The following NKD1 variants were observed in gnomAD, a reference collection of about 807,000 sequenced individuals.
NKD1 encodes NKD inhibitor of Wnt signaling pathway 1, also known as protein naked cuticle homolog 1.
A neutral mutation model predicts 56.0 loss-of-function variants in NKD1; 21 were observed. That is an observed-to-expected ratio of 0.38 (90% CI 0.27 to 0.54). NKD1 has a LOEUF of 0.54. Among genes scored for constraint, NKD1 ranks in the 20% least tolerant of loss-of-function variants. The probability of loss-of-function intolerance (pLI) is 0.82; values close to 1 mark genes in which losing one functional copy is unlikely to be tolerated. For missense variants in NKD1, 578 were observed against 642.7 expected (o/e 0.90, Z 1.09); for synonymous variants, 263 against 265.7 (o/e 0.99, Z 0.10).
At chr16:50,587,763 G>A (rs1213287372) in intron 3 of NKD1, among the ~76,000 whole-genome samples, 1 of 152,198 alleles carries the variant, frequency 6.6e-6, no homozygotes, top group Non-Finnish European at 1.5e-5. Context: ...ATTAGGAACT[G>A]GGCAGCACTA....
Position 50,632,485 on chromosome 16 carries a change from G to A in NKD1, c.823+77G>A, listed in dbSNP as rs1878251103. The A allele has an allele frequency of 2.1e-6, 3 of 1,461,250 alleles. No individual in the cohort carries two copies. Among genetic ancestry groups the A allele is most frequent in the Non-Finnish European group, 2.9e-6 (3 of 1,046,486 alleles). The allele number at this position is 1,461,250 out of a possible 1,614,324, so 90.5% of individuals were successfully genotyped here. On this transcript the variant is annotated intron_variant, in intron 9 of 9. Coordinates refer to ENST00000268459, the MANE Select transcript of NKD1 (RefSeq NM_033119.5). The surrounding 1 kb of genome is among the most constrained non-coding windows in gnomAD (Gnocchi z 4.1). ...ACGGGCCAGGCGGGCCGTGCGGGTG[G>A]TGTTCACTGCTACCCCAGGCTTCGG...
chr16:50,594,494 C>T (rs1961433259), intron 3 of NKD1, among the ~76,000 whole-genome samples: 1 of 152,178 alleles, frequency 6.6e-6, no homozygotes, highest in Non-Finnish European at 1.5e-5. Flanking sequence ...GGACACTGTC[C>T]CAGGGCAGGG....
chr16:50,569,164 A>T (rs139741551), intron 3 of NKD1, among the ~76,000 whole-genome samples: 80 of 152,210 alleles, frequency 5.3e-4, no homozygotes, highest in Non-Finnish European at 9.6e-4. Flanking sequence ...CGCTGACATT[A>T]TAGTCTATGG....
intron 3 of NKD1, among the ~76,000 whole-genome samples, chr16:50,586,728 A>G (rs1296057223): frequency 6.6e-6 from 1 of 152,200 alleles, no homozygotes; most frequent in Non-Finnish European, 1.5e-5. Context: ...TGAAATGGGA[A>G]TCCTCTTCTG....
At chr16:50,562,123 A>G (rs1164478560) in intron 3 of NKD1, 1 of 153,438 alleles carries the variant, frequency 6.5e-6, no homozygotes, top group Non-Finnish European at 1.4e-5. Flanking sequence ...GGTACAAGGT[A>G]ACAGTGGTGT....
At chr16:50,610,448 G>T (rs1348779116) in intron 4 of NKD1, among the ~76,000 whole-genome samples, 1 of 152,190 alleles carries the variant, frequency 6.6e-6, no homozygotes, top group Admixed American at 6.5e-5. Flanking sequence ...ATATGGTGTG[G>T]ATGGTAGGCC....
chr16:50,608,006 G>A, intron 3 of NKD1: 1 of 415,192 alleles, frequency 2.4e-6, no homozygotes, highest in East Asian at 4.9e-5. Context: ...GAATCAGGCT[G>A]GTTTCCGGAA....
chr16:50,603,482 C>T (rs565248682), intron 3 of NKD1, among the ~76,000 whole-genome samples: 3 of 152,228 alleles, frequency 2.0e-5, no homozygotes, highest in Admixed American at 6.5e-5. Context: ...CCCTGCCCCC[C>T]TCCTCTTTCC....
chr16:50,601,479 C>T (rs1475033440), intron 3 of NKD1, among the ~76,000 whole-genome samples: 3 of 152,200 alleles, frequency 2.0e-5, no homozygotes, highest in Non-Finnish European at 4.4e-5. Flanking sequence ...GCAAAACAGA[C>T]CCAGAGTCCT....
chr16:50,630,138 G>A, intron 6 of NKD1, 48 bp from the exon 7 acceptor site: 1 of 1,586,638 alleles, frequency 6.3e-7, no homozygotes, highest in Non-Finnish European at 8.6e-7. Context: ...TATTTTCAAG[G>A]CCCTGTGACT....
In NKD1 at chr16:50,549,703, G is replaced by A. The variant is rs1485868693; in HGVS notation, c.192+148G>A. 6 of 829,368 alleles carry A rather than the reference G, an allele frequency of 7.2e-6. 1 individual carries two copies. In the Admixed American group the frequency reaches 1.1e-4, roughly 15 times the overall value. 51.4% of individuals were successfully genotyped at this position (829,368 alleles called of 1,614,324 possible). On this transcript the variant is annotated intron_variant, in intron 3 of 9. Coordinates refer to ENST00000268459, the MANE Select transcript of NKD1 (RefSeq NM_033119.5). ...CTCAGCTGCCCCCTGCCCCACCAAC[G>A]CGACCCTCTGCCCGCATGCCTTGGA...
rs1962703602 is a variant in NKD1, at chr16:50,647,492, G to A, written c.*13711G>A. The A allele has an allele frequency of 6.6e-6, 1 of 152,180 alleles. No individual in the cohort carries two copies. Among genetic ancestry groups the A allele is most frequent in the African/African-American group, 2.4e-5 (1 of 41,430 alleles). The allele number at this position is 152,180 out of a possible 1,614,324, so 9.4% of individuals were successfully genotyped here. On this transcript the variant is annotated 3_prime_UTR_variant, in exon 10 of 10. Transcript: ENST00000268459. ...TCCTGAGATGAAGACTCAGGAGCAGGTTGTTGATTTTGAGGTGGTCCTGGG... is the reference window on the plus strand; with the variant it reads ...TCCTGAGATGAAGACTCAGGAGCAGATTGTTGATTTTGAGGTGGTCCTGGG...
Position 50,630,817 on chromosome 16 carries a change from C to G in NKD1, c.611-9C>G. On this transcript the variant is annotated splice_polypyrimidine_tract_variant and intron_variant, in intron 7 of 9. Transcript: ENST00000268459. ...CTGGTGTCTCCTGTGCTTCTCGGGCCGGACTCAGACCTGCAGAGCGCAAGG... is the reference window on the plus strand; with the variant it reads ...CTGGTGTCTCCTGTGCTTCTCGGGCGGGACTCAGACCTGCAGAGCGCAAGG... 1.3e-6 allele frequency: 2 copies of G among 1,586,608 alleles called. No individual in the cohort carries two copies. The highest frequency in any genetic ancestry group is 1.7e-6 in the Non-Finnish European group (2 of 1,167,176).
intron 4 of NKD1, 65 bp downstream of exon 4, chr16:50,608,425 C>A: frequency 1.8e-6 from 2 of 1,083,088 alleles, no homozygotes; most frequent in East Asian, 2.9e-5. Context: ...TTCAGCTGGC[C>A]GTGTGCCCTG....
In NKD1 at chr16:50,636,881, C is replaced by A. The variant is rs1370859907; in HGVS notation, c.*3100C>A. ...TCGGATCTATTTTTAAGGGGGGGAA[C>A]CCTGCAGTTACTGCTTAATCCTCTT... On this transcript the variant is annotated 3_prime_UTR_variant, in exon 10 of 10. Coordinates refer to ENST00000268459, the MANE Select transcript of NKD1 (RefSeq NM_033119.5). 6.6e-6 allele frequency: 1 copy of A among 152,160 alleles called. No homozygotes were observed. Among genetic ancestry groups the A allele is most frequent in the East Asian group, 1.9e-4 (1 of 5,206 alleles). The allele number at this position is 152,160 out of a possible 1,614,324, so 9.4% of individuals were successfully genotyped here.
chr16:50,561,419 T>A (rs1183257688), intron 3 of NKD1, among the ~76,000 whole-genome samples: 1 of 151,656 alleles, frequency 6.6e-6, no homozygotes, highest in South Asian at 2.1e-4. Context: ...GTCCAAAGAT[T>A]AGTGACTTGA....
intron 4 of NKD1, among the ~76,000 whole-genome samples, chr16:50,616,700 A>G (rs1423628071): frequency 6.6e-6 from 1 of 152,170 alleles, no homozygotes; most frequent in Admixed American, 6.5e-5. Flanking sequence ...AAGCAATCAG[A>G]AGGTCCCAGA....
chr16:50,634,752 G>A lies in NKD1; in HGVS notation c.*971G>A, dbSNP rs1000785776. On this transcript the variant is annotated 3_prime_UTR_variant, in exon 10 of 10. Coordinates refer to ENST00000268459, the MANE Select transcript of NKD1 (RefSeq NM_033119.5). ...CTTTTCTGGTGTGTATAAATCAGTG[G>A]TTTGCTTCCCTGGATGCTTCTGGAA... The A allele has an allele frequency of 6.6e-6, 1 of 152,320 alleles. No homozygotes were observed. The highest frequency in any genetic ancestry group is 1.5e-5 in the Non-Finnish European group (1 of 68,064). The allele number at this position is 152,320 out of a possible 1,614,324, so 9.4% of individuals were successfully genotyped here. A position where few individuals can be genotyped will look rare whatever the true frequency, so the allele number is the denominator to read the frequency against.
intron 3 of NKD1, among the ~76,000 whole-genome samples, chr16:50,566,760 C>A (rs1455536336): frequency 6.6e-6 from 1 of 152,190 alleles, no homozygotes; most frequent in Non-Finnish European, 1.5e-5. Flanking sequence ...TTGGAAGAAC[C>A]TAGGTGGTTT....
Sources: gnomAD v4.1 joint callset for allele counts (sites outside exome capture counted in the v4.1 genomes callset) on GRCh38, gnomAD v4.1.1 for gene constraint, Gnocchi (gnomAD v3.1) non-coding constraint, MANE v1.5 for transcripts, NCBI Gene and HGNC (gene_info 2026-07-23, HGNC 2026-07-21) for gene names.